The following FARSB variants were observed in gnomAD, a reference collection of about 807,000 sequenced individuals.
The protein encoded by FARSB is phenylalanine--tRNA ligase beta subunit.
A neutral mutation model predicts 69.6 loss-of-function variants in FARSB; 40 were observed. That is an observed-to-expected ratio of 0.57 (90% CI 0.45 to 0.75). FARSB has a LOEUF of 0.75. Ranked by LOEUF, FARSB falls within the 30% of genes least tolerant of loss-of-function variation. The pLI is 0.00. For synonymous variants in FARSB, 235 were observed against 247.2 expected (o/e 0.95, Z 0.46); for missense variants, 632 against 722.9 (o/e 0.87, Z 1.44).
intron 15 of FARSB, among the ~76,000 whole-genome samples, chr2:222,600,716 T>C (rs1258782137): frequency 2.0e-5 from 3 of 152,058 alleles, no homozygotes; most frequent in African/African-American, 4.8e-5. Context: ...CAAACATAGA[T>C]TGGAAAACTA....
At chr2:222,654,892 T>C (rs1315924499) in intron 1 of FARSB, among the ~76,000 whole-genome samples, 1 of 152,170 alleles carries the variant, frequency 6.6e-6, no homozygotes, top group African/African-American at 2.4e-5. Flanking sequence ...CCAGCCTTTA[T>C]ACAAGCTAAA....
At chr2:222,609,320 T>C (rs968186705) in intron 15 of FARSB, among the ~76,000 whole-genome samples, 2 of 152,246 alleles carry the variant, frequency 1.3e-5, no homozygotes, top group African/African-American at 2.4e-5. Flanking sequence ...TTTTAAACTA[T>C]TTTGTTTATA....
chr2:222,571,678 C>G lies in FARSB; in HGVS notation c.*193G>C. ...AACAATGCAGCTTCACACACAGACA[C>G]CACACTGGTATATGGCACAAGCTGG... On this transcript the variant is annotated 3_prime_UTR_variant, in exon 17 of 17. Coordinates refer to ENST00000281828, the MANE Select transcript of FARSB (RefSeq NM_005687.5). The G allele has an allele frequency of 1.9e-6, 1 of 537,978 alleles. No individual in the cohort carries two copies. The highest frequency in any genetic ancestry group is 2.5e-5 in the South Asian group (1 of 39,760). 33.3% of individuals were successfully genotyped at this position (537,978 alleles called of 1,614,324 possible).
intron 4 of FARSB, 49 bp downstream of exon 4, chr2:222,640,813 T>G: frequency 1.1e-6 from 1 of 940,796 alleles, no homozygotes. Context: ...TATACAGACA[T>G]GTACAAAAGA....
At chr2:222,582,691 G>A (rs1028786837) in intron 16 of FARSB, among the ~76,000 whole-genome samples, 3 of 152,122 alleles carry the variant, frequency 2.0e-5, no homozygotes, top group Non-Finnish European at 4.4e-5. Context: ...TTGGGAGGCC[G>A]AGGAAGGCAG....
chr2:222,633,907 C>T (rs1401603636), intron 6 of FARSB, among the ~76,000 whole-genome samples: 1 of 152,102 alleles, frequency 6.6e-6, no homozygotes, highest in South Asian at 2.1e-4. Flanking sequence ...TAGATAAATA[C>T]GAAGAAGTCA....
At chr2:222,618,591 A>G (rs1424146608) in intron 14 of FARSB, among the ~76,000 whole-genome samples, 1 of 152,232 alleles carries the variant, frequency 6.6e-6, no homozygotes, top group Non-Finnish European at 1.5e-5. Flanking sequence ...CAAAGATGTT[A>G]TAATCTTAAA....
chr2:222,616,229 A>T (rs1164236819), intron 14 of FARSB, among the ~76,000 whole-genome samples: 4 of 152,192 alleles, frequency 2.6e-5, no homozygotes, highest in Non-Finnish European at 5.9e-5. Context: ...TAACAGAGAC[A>T]TGAAAAGCAT....
chr2:222,617,699 C>T (rs926410676), intron 14 of FARSB, among the ~76,000 whole-genome samples: 15 of 152,154 alleles, frequency 9.9e-5, no homozygotes, highest in Non-Finnish European at 2.2e-4. Flanking sequence ...GCCTGTCCAA[C>T]ATGGTAAAAC....
intron 15 of FARSB, among the ~76,000 whole-genome samples, chr2:222,601,971 A>T (rs565468719): frequency 1.4e-3 from 212 of 152,306 alleles, no homozygotes; most frequent in African/African-American, 4.9e-3. Context: ...TAAAGGCAAT[A>T]TTTTAAAAAA....
At chr2:222,616,517 A>T (rs968211790) in intron 14 of FARSB, among the ~76,000 whole-genome samples, 9 of 131,110 alleles carry the variant, frequency 6.9e-5, no homozygotes, top group Non-Finnish European at 1.4e-4. Context: ...ACTGCACTCC[A>T]GCCTGGCAAC....
intron 16 of FARSB, among the ~76,000 whole-genome samples, chr2:222,591,211 T>TAA (rs71281780): frequency 5.5e-4 from 76 of 139,044 alleles, no homozygotes; most frequent in East Asian, 2.5e-3. Context: ...CCCTGTCTCT[T>TAA]AAAAAAAAAA....
chr2:222,652,156 C>T (rs567017392), intron 1 of FARSB, among the ~76,000 whole-genome samples: 1 of 152,242 alleles, frequency 6.6e-6, no homozygotes, highest in African/African-American at 2.4e-5. Context: ...ACTAAAGAAG[C>T]TATACTGAAG....
chr2:222,613,415 C>T (rs1690908511), intron 15 of FARSB, among the ~76,000 whole-genome samples: 1 of 152,148 alleles, frequency 6.6e-6, no homozygotes, highest in Admixed American at 6.5e-5. Context: ...TGTGGTGGCA[C>T]ATGCCTTTAA....
chr2:222,594,533 G>A (rs1051065987), intron 16 of FARSB, among the ~76,000 whole-genome samples: 9 of 151,956 alleles, frequency 5.9e-5, no homozygotes, highest in African/African-American at 7.3e-5. Context: ...ACAGCTATAC[G>A]TACAGTACAT....
At chr2:222,631,869 T>C (rs2106227376) in intron 7 of FARSB, among the ~76,000 whole-genome samples, 195 bp from the exon 8 acceptor site, 1 of 152,318 alleles carries the variant, frequency 6.6e-6, no homozygotes, top group Non-Finnish European at 1.5e-5. Flanking sequence ...GGTCAGGAGT[T>C]CAAGACCAGC....
chr2:222,599,858 T>C (rs1370616424), intron 16 of FARSB, 70 bp downstream of exon 16: 1 of 1,287,172 alleles, frequency 7.8e-7, no homozygotes, highest in African/African-American at 1.5e-5. Context: ...AACTACCAAC[T>C]TCATCAAAAA....
At chr2:222,628,306 T>G (rs1371401454) in intron 10 of FARSB, among the ~76,000 whole-genome samples, 1 of 152,188 alleles carries the variant, frequency 6.6e-6, no homozygotes, top group East Asian at 1.9e-4. Flanking sequence ...AGACTACGAA[T>G]GTTCCCAACA....
At chr2:222,611,499 T>C (rs958441479) in intron 15 of FARSB, among the ~76,000 whole-genome samples, 3 of 151,272 alleles carry the variant, frequency 2.0e-5, no homozygotes, top group African/African-American at 7.3e-5. Flanking sequence ...CAGGCTGGAG[T>C]GTAGTTAGTG....
Sources: gnomAD v4.1 joint callset for allele counts (sites outside exome capture counted in the v4.1 genomes callset) on GRCh38, gnomAD v4.1.1 for gene constraint, MANE v1.5 for transcripts, NCBI Gene and HGNC (gene_info 2026-07-23, HGNC 2026-07-21) for gene names.